GALNT13: variants seen among roughly 807,000 people sequenced by gnomAD.
GALNT13 encodes UDP-GalNAc:polypeptide N-acetylgalactosaminyltransferase 13.
GALNT13 carries 28 observed loss-of-function variants against 64.2 expected under a neutral mutation model. The observed-to-expected ratio is 0.44, with a 90% CI of 0.32 to 0.60. The LOEUF is 0.60. Ranked by LOEUF, GALNT13 falls within the 20% of genes least tolerant of loss-of-function variation. GALNT13 has a pLI of 0.05. For missense variants in GALNT13, 577 were observed against 669.8 expected (o/e 0.86, Z 1.53); for synonymous variants, 214 against 224.6 (o/e 0.95, Z 0.42).
the GALNT13 span, among the ~76,000 whole-genome samples, chr2:153,431,887 A>G: frequency 6.6e-6 from 1 of 152,230 alleles, no homozygotes; most frequent in Non-Finnish European, 1.5e-5. Flanking sequence ...ATCACATTAT[A>G]TTGGACCACA....
At chr2:154,338,884 A>G (rs1695603131) in intron 9 of GALNT13, among the ~76,000 whole-genome samples, 1 of 152,078 alleles carries the variant, frequency 6.6e-6, no homozygotes, top group African/African-American at 2.4e-5. Context: ...GAATTGACTA[A>G]CAAGGGTCTG....
chr2:154,023,313 T>C (rs878858276), intron 3 of GALNT13, among the ~76,000 whole-genome samples: 1 of 152,174 alleles, frequency 6.6e-6, no homozygotes, highest in Non-Finnish European at 1.5e-5. Context: ...CCGATTATTA[T>C]TGTGTGGGAG....
intron 9 of GALNT13, among the ~76,000 whole-genome samples, chr2:154,341,774 T>G (rs924035640): frequency 1.3e-5 from 2 of 152,098 alleles, no homozygotes; most frequent in Admixed American, 6.6e-5. Flanking sequence ...CTCTGAATCC[T>G]CTATGGAAAA....
chr2:153,445,462 T>A, the GALNT13 span, among the ~76,000 whole-genome samples: 3 of 152,250 alleles, frequency 2.0e-5, no homozygotes, highest in East Asian at 3.9e-4. Context: ...AATGCAGCCT[T>A]GACCTTCCGG....
intron 4 of GALNT13, among the ~76,000 whole-genome samples, chr2:154,152,517 G>A (rs191421602): frequency 2.0e-5 from 3 of 152,240 alleles, no homozygotes; most frequent in Admixed American, 2.0e-4. Context: ...ATAATATCCT[G>A]CAGAGTGTTT....
At chr2:153,976,978 A>G (rs902327266) in intron 3 of GALNT13, among the ~76,000 whole-genome samples, 3 of 152,124 alleles carry the variant, frequency 2.0e-5, no homozygotes, top group African/African-American at 7.2e-5. Context: ...AATAGAGGGC[A>G]TACTAGTCAT....
chr2:153,219,576 C>T, the GALNT13 span, among the ~76,000 whole-genome samples: 1 of 152,234 alleles, frequency 6.6e-6, no homozygotes, highest in Non-Finnish European at 1.5e-5. Context: ...TTTTATACCA[C>T]TTCAGACTGT....
At chr2:154,350,347 G>T (rs535392985) in intron 9 of GALNT13, among the ~76,000 whole-genome samples, 8 of 152,292 alleles carry the variant, frequency 5.3e-5, no homozygotes, top group South Asian at 2.1e-4. Context: ...AACGTGGAAG[G>T]ACTAGACTGG....
chr2:154,145,813 G>A (rs773207568), intron 4 of GALNT13, among the ~76,000 whole-genome samples: 24 of 151,968 alleles, frequency 1.6e-4, no homozygotes, highest in Middle Eastern at 3.4e-3. Context: ...GCTCAATCTC[G>A]TGAGTACGTG....
intron 3 of GALNT13, among the ~76,000 whole-genome samples, chr2:154,097,170 G>A (rs937536650): frequency 3.9e-5 from 6 of 151,904 alleles, no homozygotes; most frequent in African/African-American, 1.4e-4. Context: ...TTTCAATGAA[G>A]TGTTATCGAG....
the GALNT13 span, among the ~76,000 whole-genome samples, chr2:153,499,784 C>T: frequency 2.6e-5 from 4 of 152,234 alleles, no homozygotes; most frequent in Admixed American, 1.3e-4. Context: ...AGAGCATCCA[C>T]CTGGAGCTGG....
the GALNT13 span, among the ~76,000 whole-genome samples, chr2:153,333,893 T>C: frequency 1.3e-5 from 2 of 152,234 alleles, no homozygotes; most frequent in Non-Finnish European, 2.9e-5. Flanking sequence ...AATCCTCAAA[T>C]AGCCTTGTAT....
At chr2:153,254,991 G>A in the GALNT13 span, among the ~76,000 whole-genome samples, 42,394 of 151,596 alleles carry the variant, frequency 0.28, 7,179 homozygotes, top group Non-Finnish European at 0.39. Context: ...AGGTCCACTT[G>A]GTGCAGAGCT....
At chr2:153,506,662 A>G in the GALNT13 span, among the ~76,000 whole-genome samples, 3 of 152,238 alleles carry the variant, frequency 2.0e-5, no homozygotes, top group African/African-American at 7.2e-5. Context: ...GGCTAAAGAT[A>G]GGACCCCAAT....
the GALNT13 span, among the ~76,000 whole-genome samples, chr2:153,773,628 G>A: frequency 6.6e-6 from 1 of 152,144 alleles, no homozygotes; most frequent in African/African-American, 2.4e-5. Context: ...AGAGAAGAAT[G>A]GTTGTCACAT....
At chr2:153,857,500 G>A in the GALNT13 span, among the ~76,000 whole-genome samples, 1 of 152,182 alleles carries the variant, frequency 6.6e-6, no homozygotes, top group African/African-American at 2.4e-5. Flanking sequence ...GCAGCTGTGA[G>A]AGAAGCAACA....
the GALNT13 span, among the ~76,000 whole-genome samples, chr2:153,336,844 A>T: frequency 0.015 from 2,242 of 152,256 alleles, 63 homozygotes; most frequent in African/African-American, 0.051. Flanking sequence ...TGTCTCCCAG[A>T]ATTCCCATGT....
At chr2:153,384,107 G>A in the GALNT13 span, among the ~76,000 whole-genome samples, 11 of 152,090 alleles carry the variant, frequency 7.2e-5, no homozygotes, top group South Asian at 2.1e-4. Flanking sequence ...TGTGAGAAGG[G>A]AAAAGTGTCA....
chr2:153,094,870 C>A, the GALNT13 span, among the ~76,000 whole-genome samples: 4 of 152,246 alleles, frequency 2.6e-5, no homozygotes, highest in African/African-American at 9.6e-5. Flanking sequence ...TTCCTTACAC[C>A]TTATACAAAA....
Sources: allele counts gnomAD v4.1 joint callset (sites outside exome capture counted in the v4.1 genomes callset), GRCh38; gene constraint gnomAD v4.1.1; transcripts MANE v1.5; gene names NCBI Gene and HGNC (gene_info 2026-07-23, HGNC 2026-07-21).